LRRK1: variants seen among roughly 807,000 people sequenced by gnomAD.
LRRK1 encodes the protein leucine-rich repeat serine/threonine-protein kinase 1.
LRRK1 carries 113 observed loss-of-function variants against 209.1 expected under a neutral mutation model. The observed-to-expected ratio is 0.54, with a 90% CI of 0.46 to 0.63. The LOEUF is 0.63. Ranked by LOEUF, LRRK1 falls within the 30% of genes least tolerant of loss-of-function variation. The pLI, the probability that LRRK1 is intolerant of heterozygous loss-of-function variation, is 0.00. For missense variants in LRRK1, 2,284 were observed against 2,632.2 expected, an observed-to-expected ratio of 0.87 and a Z score of 2.89; for synonymous variants, 1,144 against 1,099.7, an observed-to-expected ratio of 1.04 and a Z score of -0.80.
chr15:100,964,995 C>G (rs11853469), intron 2 of LRRK1, among the ~76,000 whole-genome samples: 107,039 of 152,100 alleles, frequency 0.7, 37,992 homozygotes, highest in Middle Eastern at 0.76. Context: ...AAGACTGTCT[C>G]CTTGGAACAT....
chr15:101,011,308 AT>A, intron 9 of LRRK1, among the ~76,000 whole-genome samples: 1 of 146,686 alleles, frequency 6.8e-6, no homozygotes, highest in Non-Finnish European at 1.5e-5. Context: ...CTCTACTAAA[AT>A]TAAAAAAAAA....
At chr15:101,000,646 G>A (rs918273286) in intron 6 of LRRK1, among the ~76,000 whole-genome samples, 4 of 152,164 alleles carry the variant, frequency 2.6e-5, no homozygotes, top group Non-Finnish European at 5.9e-5. Flanking sequence ...TTCTCGGCTT[G>A]TGGCCACATC....
At chr15:100,954,433 TTC>T (rs2042714361) in intron 2 of LRRK1, among the ~76,000 whole-genome samples, 1 of 152,248 alleles carries the variant, frequency 6.6e-6, no homozygotes, top group Non-Finnish European at 1.5e-5. Context: ...TTGCAATATT[TTC>T]TCTCATTCCA....
rs1364230739 is a variant in LRRK1, at chr15:100,951,762, G to A, written c.98-22042G>A. On this transcript the variant is annotated intron_variant, in intron 2 of 33. Coordinates refer to ENST00000388948, the MANE Select transcript of LRRK1 (RefSeq NM_024652.6). ...AGGTCAGGAGTTTGAGACCAGCCTGGCCAACATGGTGAAATCCTGTTTCTA... is the reference window on the plus strand; with the variant it reads ...AGGTCAGGAGTTTGAGACCAGCCTGACCAACATGGTGAAATCCTGTTTCTA... 3.9e-5 allele frequency among the ~76,000 whole-genome samples: 6 copies of A among 152,146 alleles called. No individual in the cohort carries two copies. The East Asian group carries it at 1.2e-3, about 29-fold the overall frequency.
intron 2 of LRRK1, among the ~76,000 whole-genome samples, chr15:100,957,052 T>C (rs942095941): frequency 6.6e-6 from 1 of 152,218 alleles, no homozygotes; most frequent in African/African-American, 2.4e-5. Flanking sequence ...CTATGACCCA[T>C]TGGTTGTTCA....
Position 101,026,025 on chromosome 15 carries a change from A to T in LRRK1, c.2293A>T (p.Lys765Ter). ...VGTHLDLIEAKFRVERIATLR... is the reference protein window; with the variant it reads ...VGTHLDLIEA Reference sequence around the variant, plus strand: ...GACGCACCTGGATTTAATTGAAGCCAAGTTCCGTGTGGAAAGGATTGCAAC... The same window carrying T: ...GACGCACCTGGATTTAATTGAAGCCTAGTTCCGTGTGGAAAGGATTGCAAC... The change falls in exon 17 of 34, where the codon AAG becomes TAG. Residue 765 changes from lysine to a stop codon, truncating the protein, a stop_gained. Coordinates refer to ENST00000388948, the MANE Select transcript of LRRK1 (RefSeq NM_024652.6). LOFTEE classifies it high-confidence loss of function. 3 of 1,614,246 alleles carry T rather than the reference A, an allele frequency of 1.9e-6. No homozygotes were observed. Among genetic ancestry groups the T allele is most frequent in the Non-Finnish European group, 1.7e-6 (2 of 1,180,040 alleles).
intron 29 of LRRK1, 35 bp downstream of exon 29, chr15:101,058,176 T>C (rs889884622): frequency 1.9e-6 from 3 of 1,607,124 alleles, no homozygotes; most frequent in African/African-American, 2.7e-5. Context: ...CCCCTTTGTA[T>C]TTGGGGTGGG....
In LRRK1 at chr15:100,988,650, G is replaced by T; in HGVS notation, c.450G>T (p.Gln150His). 6.2e-7 allele frequency: 1 copy of T among 1,614,182 alleles called. No homozygotes were observed. Among genetic ancestry groups the T allele is most frequent in the Non-Finnish European group, 8.5e-7 (1 of 1,180,046 alleles). ...LESLPGPCSP[Q>H]RLLNWMLALA... ...TCCTGCCAGGTCCCTGCAGTCCCCA[G>T]CGGCTTCTGAACTGGATGCTGGCCT... The change falls in exon 5 of 34, where the codon CAG (glutamine) becomes CAT (histidine). Residue 150 changes from glutamine to histidine, a missense_variant. Gln to His is a conservative substitution (Grantham distance 24). This residue lies in a region of LRRK1 where 134 missense variants were observed against 191.7 expected (regional missense o/e 0.70). Coordinates refer to ENST00000388948, the MANE Select transcript of LRRK1 (RefSeq NM_024652.6).
chr15:101,004,010 T>G (rs2141685387), intron 6 of LRRK1, among the ~76,000 whole-genome samples: 1 of 152,238 alleles, frequency 6.6e-6, no homozygotes, highest in Admixed American at 6.5e-5. Context: ...CCTACAAATG[T>G]CAATGTTGGG....
At chr15:100,930,422 G>A (rs774941896) in intron 2 of LRRK1, among the ~76,000 whole-genome samples, 3 of 152,104 alleles carry the variant, frequency 2.0e-5, no homozygotes, top group African/African-American at 4.8e-5. Context: ...CCACCCTGCC[G>A]TGGACCGGCT....
chr15:101,016,028 C>T (rs571991840), intron 12 of LRRK1, among the ~76,000 whole-genome samples: 76 of 150,464 alleles, frequency 5.1e-4, no homozygotes, highest in African/African-American at 1.5e-3. Context: ...CTCGCTCTGT[C>T]GCCCAGGCTG....
chr15:101,025,115 CAGTG>C, intron 16 of LRRK1, 148 bp downstream of exon 16: 1 of 706,100 alleles, frequency 1.4e-6, no homozygotes. Flanking sequence ...TTGCTTTTCA[CAGTG>C]AGGCACTTGA....
At chr15:101,041,672 C>G (rs1347478974) in intron 20 of LRRK1, among the ~76,000 whole-genome samples, 1 of 152,214 alleles carries the variant, frequency 6.6e-6, no homozygotes. Flanking sequence ...ACCCTCTGTA[C>G]TCTTGCTGTC....
At chr15:100,920,727 T>C (rs2042005941) in intron 1 of LRRK1, among the ~76,000 whole-genome samples, 1 of 145,246 alleles carries the variant, frequency 6.9e-6, no homozygotes, top group South Asian at 2.2e-4. Context: ...CCTTCCTCCA[T>C]TCTCTATATA....
chr15:100,947,092 G>A (rs915084054), intron 2 of LRRK1, among the ~76,000 whole-genome samples: 1 of 151,918 alleles, frequency 6.6e-6, no homozygotes, highest in Non-Finnish European at 1.5e-5. Flanking sequence ...GCCTCAGCTG[G>A]GATTACAGGC....
chr15:100,947,429 C>A (rs1480486797), intron 2 of LRRK1, among the ~76,000 whole-genome samples: 2 of 152,062 alleles, frequency 1.3e-5, no homozygotes, highest in Non-Finnish European at 2.9e-5. Flanking sequence ...TTGGAAAAAT[C>A]AGAAAGTTTG....
At chr15:100,923,239 G>A (rs1386935774) in intron 1 of LRRK1, among the ~76,000 whole-genome samples, 1 of 152,152 alleles carries the variant, frequency 6.6e-6, no homozygotes, top group East Asian at 1.9e-4. Context: ...AAGGGTGGAT[G>A]TCTATTTTTA....
At chr15:101,004,691 G>T (rs1027390152) in intron 6 of LRRK1, among the ~76,000 whole-genome samples, 8 of 152,198 alleles carry the variant, frequency 5.3e-5, no homozygotes, top group African/African-American at 1.9e-4. Context: ...ACTGCGGCTT[G>T]CCCAGAGTCC....
At chr15:100,936,044 A>G (rs2042293569) in intron 2 of LRRK1, among the ~76,000 whole-genome samples, 9 of 152,242 alleles carry the variant, frequency 5.9e-5, no homozygotes. Context: ...GTCAAAGGCC[A>G]GTCCAGATTT....
Sources: allele counts gnomAD v4.1 joint callset (sites outside exome capture counted in the v4.1 genomes callset), GRCh38; gene constraint gnomAD v4.1.1; regional missense constraint gnomAD v4.1.1; transcripts MANE v1.5; gene names NCBI Gene and HGNC (gene_info 2026-07-23, HGNC 2026-07-21).